Variants in FUBP3 observed in about 807,000 individuals in gnomAD.
FUBP3 encodes far upstream element-binding protein 3.
FUBP3 carries 28 observed loss-of-function variants against 85.6 expected under a neutral mutation model. That is an observed-to-expected ratio of 0.33 (90% CI 0.24 to 0.45). The LOEUF is 0.45. Ranked by LOEUF, FUBP3 falls within the 20% of genes least tolerant of loss-of-function variation. The pLI is 1.00. For synonymous variants in FUBP3, 271 were observed against 271.4 expected, an observed-to-expected ratio of 1.00 and a Z score of 0.01; for missense variants, 583 against 755.1, an observed-to-expected ratio of 0.77 and a Z score of 2.67.
intron 1 of FUBP3, among the ~76,000 whole-genome samples, chr9:130,585,289 G>T (rs1039409052): frequency 8.5e-5 from 13 of 152,188 alleles, no homozygotes; most frequent in African/African-American, 2.2e-4. Context: ...CACACTCTCC[G>T]GGTTGTCTTC....
Position 130,619,768 on chromosome 9 carries a change from T to G in FUBP3, c.667-586T>G, listed in dbSNP as rs111691561. On this transcript the variant is annotated intron_variant, in intron 8 of 18. Transcript: ENST00000319725. ...ACACTTGAATCTGCCTGGGATATAGTGACGTCCACAAGGAAGTCTCACCAG... is the reference window on the plus strand; with the variant it reads ...ACACTTGAATCTGCCTGGGATATAGGGACGTCCACAAGGAAGTCTCACCAG... Among the ~76,000 whole-genome samples, 517 of 152,334 alleles carry G rather than the reference T, an allele frequency of 3.4e-3. 1 individual carries two copies. Among genetic ancestry groups the G allele is most frequent in the Non-Finnish European group, 5.7e-3 (387 of 68,030 alleles).
chr9:130,622,791 G>A lies in FUBP3; in HGVS notation c.855G>A (p.Val285=). The change falls in exon 10 of 19, where the codon GTG becomes GTA. Residue 285 remains valine (V), a synonymous_variant. Coordinates refer to ENST00000319725, the MANE Select transcript of FUBP3 (RefSeq NM_003934.2). Reference sequence around the variant, plus strand: ...AAAAGATCCAGAATGATGCTGGTGTGAGGATTCAGTTTAAACCAGGTGGGT... The same window carrying A: ...AAAAGATCCAGAATGATGCTGGTGTAAGGATTCAGTTTAAACCAGGTGGGT... ...MIKKIQNDAG[V]RIQFKPDDGI... is the part of the protein sequence containing the mutation. 1 of 1,567,328 alleles carries A rather than the reference G, an allele frequency of 6.4e-7. No homozygotes were observed. The highest frequency in any genetic ancestry group is 8.8e-7 in the Non-Finnish European group (1 of 1,142,136).
At chr9:130,636,172 C>T (rs763350423) in intron 18 of FUBP3, 46 bp downstream of exon 18, 3 of 1,590,800 alleles carry the variant, frequency 1.9e-6, no homozygotes, top group African/African-American at 2.7e-5. Context: ...TAGCCCCGAG[C>T]CCCTGCTCCC....
intron 12 of FUBP3, among the ~76,000 whole-genome samples, chr9:130,630,123 G>A (rs977550641): frequency 6.6e-6 from 1 of 152,236 alleles, no homozygotes; most frequent in Non-Finnish European, 1.5e-5. Flanking sequence ...GCCCGAGTGG[G>A]CTCCAGGCAT....
intron 2 of FUBP3, among the ~76,000 whole-genome samples, chr9:130,601,112 CT>C (rs992470743): frequency 1.3e-5 from 2 of 152,248 alleles, no homozygotes; most frequent in Non-Finnish European, 2.9e-5. Context: ...AAACAGGCAG[CT>C]GGCCCTCAAG....
intron 10 of FUBP3, 24 bp from the exon 11 acceptor site, chr9:130,623,587 C>G: frequency 1.4e-6 from 2 of 1,477,300 alleles, no homozygotes; most frequent in Non-Finnish European, 1.9e-6. Context: ...TTTTTCTAAT[C>G]CTGTCTCTCA....
At chr9:130,619,634 G>A (rs1256181108) in intron 8 of FUBP3, among the ~76,000 whole-genome samples, 1 of 152,172 alleles carries the variant, frequency 6.6e-6, no homozygotes, top group Non-Finnish European at 1.5e-5. Context: ...ATTCCCTTGA[G>A]TTGTAAGGTA....
chr9:130,617,738 G>T, intron 7 of FUBP3, 59 bp from the exon 8 acceptor site: 2 of 1,064,204 alleles, frequency 1.9e-6, no homozygotes, highest in Non-Finnish European at 3.0e-6. Flanking sequence ...ATTTTGTGCT[G>T]CCCTGCATTT....
chr9:130,606,301 A>C (rs1199686314), intron 2 of FUBP3, among the ~76,000 whole-genome samples: 4 of 152,132 alleles, frequency 2.6e-5, no homozygotes, highest in Middle Eastern at 3.2e-3. Context: ...GAAGAGGCAG[A>C]GGAGGGGGGA....
chr9:130,633,697 G>A (rs183594108), intron 16 of FUBP3, among the ~76,000 whole-genome samples: 96 of 152,346 alleles, frequency 6.3e-4, no homozygotes, highest in Middle Eastern at 3.4e-3. Flanking sequence ...CGCCCTCCGC[G>A]TCCGAGGGAA....
chr9:130,617,566 G>A (rs1001914830), intron 7 of FUBP3, among the ~76,000 whole-genome samples: 9 of 152,250 alleles, frequency 5.9e-5, no homozygotes, highest in Admixed American at 5.9e-4. Flanking sequence ...ATGCTCCAGG[G>A]ACTGGAATCA....
chr9:130,634,321 G>A (rs752148245), intron 16 of FUBP3, among the ~76,000 whole-genome samples: 4 of 152,218 alleles, frequency 2.6e-5, no homozygotes, highest in African/African-American at 7.2e-5. Context: ...AGAGGGCCAC[G>A]CGAAGAGAGT....
chr9:130,615,688 C>CA (rs1831968122), intron 6 of FUBP3, among the ~76,000 whole-genome samples: 2 of 152,218 alleles, frequency 1.3e-5, no homozygotes. Flanking sequence ...GGACACGTGA[C>CA]ACGCAGGGTC....
chr9:130,615,867 G>A (rs981758227), intron 6 of FUBP3, among the ~76,000 whole-genome samples: 5 of 152,320 alleles, frequency 3.3e-5, no homozygotes, highest in South Asian at 2.1e-4. Flanking sequence ...TGGAGTATGG[G>A]AGTTCAGACA....
intron 2 of FUBP3, among the ~76,000 whole-genome samples, chr9:130,599,622 C>T (rs1338450930): frequency 1.3e-5 from 2 of 152,066 alleles, no homozygotes; most frequent in Admixed American, 6.6e-5. Context: ...GTCACTCCAC[C>T]GCCCTCCAGC....
intron 17 of FUBP3, 126 bp downstream of exon 17, chr9:130,634,864 T>C (rs1230597795): frequency 1.3e-6 from 1 of 741,840 alleles, no homozygotes; most frequent in African/African-American, 1.7e-5. Flanking sequence ...ATCTCATTAT[T>C]TGCCTTCGTC....
At position 130,612,325 on chromosome 9, in the gene FUBP3, G is replaced by T. The variant is rs73549910; in HGVS notation, c.225-131G>T. ...ACTCTTTGTAGGTGGTGGTGGATTT[G>T]TTGGCCAAATTGGCCTGATGTATTT... On this transcript the variant is annotated intron_variant, in intron 3 of 18. Transcript: ENST00000319725. This position sits in a 1 kb window ranked among gnomAD's most constrained non-coding sequence, Gnocchi z 4.1. 7.8e-4 allele frequency: 498 copies of T among 637,350 alleles called. 2 individuals carry two copies. The African/African-American group carries it at 8.5e-3, about 11-fold the overall frequency. 39.5% of individuals were successfully genotyped at this position (637,350 alleles called of 1,614,324 possible).
chr9:130,600,129 T>TCCC (rs1831084045), intron 2 of FUBP3, among the ~76,000 whole-genome samples: 1 of 78,322 alleles, frequency 1.3e-5, no homozygotes, highest in African/African-American at 1.1e-4. Context: ...CCCTCCCTCT[T>TCCC]TCCCCCTCTT....
In FUBP3 at chr9:130,612,988, A is replaced by G. The variant is rs1564208271; in HGVS notation, c.307A>G (p.Ile103Val). Residue 103 changes from isoleucine (I) to valine (V), a missense_variant, in exon 5 of 19, where the codon ATT (isoleucine) becomes GTT (valine). By Grantham distance (29) the Ile-to-Val change is conservative (BLOSUM62 3). Around this residue, in one of 3 missense-constraint regions of FUBP3, gnomAD observed 177 missense variants for 221.9 expected, o/e 0.80. Transcript: ENST00000319725. This position sits in a 1 kb window ranked among gnomAD's most constrained non-coding sequence, Gnocchi z 4.1. The stretch of plus-strand genomic sequence containing the variant: ...CAGGGGAGGTGAGCAGATTTCACGG[A>G]TTCAAGCAGAATCTGGTTGCAAAAT... ...IGRGGEQISRIQAESGCKIQI... is the reference protein window; with the variant it reads ...IGRGGEQISRVQAESGCKIQI... 2 of 1,613,386 alleles carry G rather than the reference A, an allele frequency of 1.2e-6. No homozygotes were observed. Among genetic ancestry groups the G allele is most frequent in the Non-Finnish European group, 1.7e-6 (2 of 1,179,300 alleles).
Sources: gnomAD v4.1 joint callset for allele counts (sites outside exome capture counted in the v4.1 genomes callset) on GRCh38, gnomAD v4.1.1 for gene constraint, gnomAD v4.1.1 regional missense constraint, Gnocchi (gnomAD v3.1) non-coding constraint, MANE v1.5 for transcripts, NCBI Gene and HGNC (gene_info 2026-07-23, HGNC 2026-07-21) for gene names.